The following CNTN4 variants were observed in gnomAD, a reference collection of about 807,000 sequenced individuals.
The protein encoded by CNTN4 is contactin 4.
Under a neutral mutation model 122.5 loss-of-function variants are expected in CNTN4, and 77 were observed. That is an observed-to-expected ratio of 0.63 (90% CI 0.52 to 0.76). The LOEUF is 0.76. CNTN4 is among the 30% of genes least tolerant of loss of function. CNTN4 has a pLI of 0.00. For synonymous variants in CNTN4, 512 were observed against 447.0 expected, an observed-to-expected ratio of 1.15 and a Z score of -1.83; for missense variants, 1,256 against 1,259.1, an observed-to-expected ratio of 1.00 and a Z score of 0.04.
chr3:2,919,384 C>A (rs973598229), intron 12 of CNTN4, among the ~76,000 whole-genome samples: 3 of 142,754 alleles, frequency 2.1e-5, no homozygotes, highest in Non-Finnish European at 4.6e-5. Flanking sequence ...AAAACCAGAT[C>A]GTTGCTTTTT....
At chr3:2,533,984 C>T (rs1425203928) in intron 3 of CNTN4, among the ~76,000 whole-genome samples, 37 of 149,478 alleles carry the variant, frequency 2.5e-4, no homozygotes, top group Non-Finnish European at 4.9e-4. Flanking sequence ...TGTTTGAGTT[C>T]TTTGTAGATT....
intron 2 of CNTN4, among the ~76,000 whole-genome samples, chr3:2,133,740 A>G (rs1482177894): frequency 6.6e-6 from 1 of 151,142 alleles, no homozygotes; most frequent in Non-Finnish European, 1.5e-5. Flanking sequence ...ATGTCTTGCA[A>G]CTTGAATTGT....
chr3:2,800,115 T>C (rs2092312560), intron 6 of CNTN4, among the ~76,000 whole-genome samples: 2 of 151,028 alleles, frequency 1.3e-5, no homozygotes, highest in Admixed American at 1.3e-4. Context: ...GCTTTGGCTA[T>C]TCAGGTTCCA....
chr3:2,697,573 A>C (rs143403332), intron 4 of CNTN4, among the ~76,000 whole-genome samples: 1 of 152,348 alleles, frequency 6.6e-6, no homozygotes, highest in East Asian at 1.9e-4. Context: ...CTGAAAATAC[A>C]GACAGCAAAA....
chr3:2,438,678 C>G (rs959363820), intron 3 of CNTN4, among the ~76,000 whole-genome samples: 1 of 152,168 alleles, frequency 6.6e-6, no homozygotes, highest in South Asian at 2.1e-4. Context: ...TGACTCAGTA[C>G]AGTTAATGAT....
chr3:2,962,590 GT>G (rs1317851991), intron 13 of CNTN4, among the ~76,000 whole-genome samples: 3 of 152,210 alleles, frequency 2.0e-5, no homozygotes, highest in African/African-American at 7.2e-5. Flanking sequence ...TACAGGAATA[GT>G]TTGATCAGGG....
chr3:2,638,568 G>T (rs549653431), intron 4 of CNTN4, among the ~76,000 whole-genome samples: 1 of 151,714 alleles, frequency 6.6e-6, no homozygotes, highest in East Asian at 1.9e-4. Context: ...AATAAACTTT[G>T]ATACTTACCT....
At chr3:2,122,133 C>G (rs150033610) in intron 2 of CNTN4, among the ~76,000 whole-genome samples, 5 of 146,630 alleles carry the variant, frequency 3.4e-5, no homozygotes, top group Non-Finnish European at 7.4e-5. Flanking sequence ...CCAGCCTGGG[C>G]GACAGAGCGA....
chr3:2,878,134 C>T (rs1256953486), intron 8 of CNTN4, among the ~76,000 whole-genome samples: 1 of 152,136 alleles, frequency 6.6e-6, no homozygotes, highest in Non-Finnish European at 1.5e-5. Flanking sequence ...TGTACTACTG[C>T]CATATATACA....
At chr3:2,571,882 G>A (rs897578762) in intron 4 of CNTN4, among the ~76,000 whole-genome samples, 1 of 152,070 alleles carries the variant, frequency 6.6e-6, no homozygotes, top group Non-Finnish European at 1.5e-5. Context: ...CAATAAAACT[G>A]ATAATATAGT....
At chr3:2,462,737 CT>C (rs2049275186) in intron 3 of CNTN4, among the ~76,000 whole-genome samples, 2 of 152,164 alleles carry the variant, frequency 1.3e-5, no homozygotes, top group Admixed American at 1.3e-4. Context: ...ATCCAAAAAT[CT>C]TCAACTGTGT....
At chr3:2,733,522 G>A (rs1040860580) in intron 4 of CNTN4, among the ~76,000 whole-genome samples, 3 of 144,760 alleles carry the variant, frequency 2.1e-5, no homozygotes, top group Admixed American at 6.9e-5. Flanking sequence ...TTTTTAAAGT[G>A]CATGTTTGTG....
At chr3:3,050,763 C>CAAAAAAAAA (rs1184756504) in intron 23 of CNTN4, among the ~76,000 whole-genome samples, 10,093 of 84,330 alleles carry the variant, frequency 0.12, 1,091 homozygotes, top group African/African-American at 0.22. Flanking sequence ...AACTCCGTCT[C>CAAAAAAAAA]AAAAAAAAAA....
chr3:2,409,896 G>A (rs1185213003), intron 3 of CNTN4, among the ~76,000 whole-genome samples: 2 of 151,838 alleles, frequency 1.3e-5, no homozygotes, highest in Admixed American at 1.3e-4. Context: ...ACAGTTTATG[G>A]CTGATATTTT....
At chr3:2,880,765 G>C (rs2093899429) in intron 8 of CNTN4, among the ~76,000 whole-genome samples, 1 of 152,182 alleles carries the variant, frequency 6.6e-6, no homozygotes, top group Non-Finnish European at 1.5e-5. Context: ...GGAGTCAGGG[G>C]CCTGAGTTTC....
intron 2 of CNTN4, among the ~76,000 whole-genome samples, chr3:2,324,665 C>A (rs1185569421): frequency 6.6e-6 from 1 of 152,092 alleles, no homozygotes; most frequent in African/African-American, 2.4e-5. Context: ...GAGCCTACCC[C>A]AAAAGGTAAA....
rs1701848687 is a variant in CNTN4, at chr3:3,057,072, T to TAA, written c.*853_*854insAA. ...TAGTAACATAGACCCAAAGTTACTA[T>TAA]AGTCAACCAAGTCTTTCAAAGGATA... On this transcript the variant is annotated 3_prime_UTR_variant, in exon 25 of 25. Transcript: ENST00000418658. 6.6e-6 allele frequency: 1 copy of TAA among 152,492 alleles called. No homozygotes were observed. Among genetic ancestry groups the TAA allele is most frequent in the Non-Finnish European group, 1.5e-5 (1 of 68,020 alleles). 9.4% of individuals were successfully genotyped at this position (152,492 alleles called of 1,614,324 possible).
chr3:2,461,857 GGT>G (rs2049223216), intron 3 of CNTN4, among the ~76,000 whole-genome samples: 1 of 152,110 alleles, frequency 6.6e-6, no homozygotes, highest in African/African-American at 2.4e-5. Context: ...AGTTGCTTAG[GGT>G]CACACAGCTG....
At chr3:2,990,770 C>A (rs1426978999) in intron 14 of CNTN4, among the ~76,000 whole-genome samples, 1 of 152,188 alleles carries the variant, frequency 6.6e-6, no homozygotes, top group African/African-American at 2.4e-5. Flanking sequence ...GTAATTTCTA[C>A]CTATTCTAAC....
Sources: allele counts gnomAD v4.1 joint callset (sites outside exome capture counted in the v4.1 genomes callset), GRCh38; gene constraint gnomAD v4.1.1; transcripts MANE v1.5; gene names NCBI Gene and HGNC (gene_info 2026-07-23, HGNC 2026-07-21).